Variants in GRIK4 observed in about 807,000 individuals in gnomAD.
GRIK4 encodes the protein glutamate ionotropic receptor kainate type subunit 4, also known as glutamate receptor ionotropic, kainate 4.
Under a neutral mutation model 104.9 loss-of-function variants are expected in GRIK4, and 40 were observed. That is an observed-to-expected ratio of 0.38 (90% CI 0.30 to 0.50). The LOEUF is 0.50. Among genes scored for constraint, GRIK4 ranks in the 20% least tolerant of loss-of-function variants. The pLI is 0.93. For missense variants in GRIK4, 1,047 were observed against 1,308.1 expected (o/e 0.80, Z 3.08); for synonymous variants, 485 against 524.9 (o/e 0.92, Z 1.04).
At chr11:120,668,090 G>T (rs1236170130) in intron 3 of GRIK4, among the ~76,000 whole-genome samples, 1 of 144,350 alleles carries the variant, frequency 6.9e-6, no homozygotes, top group Non-Finnish European at 1.5e-5. Context: ...CTCATAGATG[G>T]ATAGATAGAT....
chr11:120,873,895 A>G (rs1954685541), intron 9 of GRIK4, 171 bp from the exon 10 acceptor site: 1 of 587,406 alleles, frequency 1.7e-6, no homozygotes, highest in Admixed American at 3.0e-5. Flanking sequence ...TAGATGAAGT[A>G]GAGCTGGCCC....
intron 11 of GRIK4, among the ~76,000 whole-genome samples, chr11:120,894,976 T>A (rs1942536446): frequency 1.3e-4 from 1 of 7,410 alleles, no homozygotes; most frequent in South Asian, 2.5e-3. Context: ...ATTAATTTCT[T>A]GGGGGCTAAT....
chr11:120,867,242 T>C (rs902055997), intron 9 of GRIK4, among the ~76,000 whole-genome samples: 1 of 152,124 alleles, frequency 6.6e-6, no homozygotes, highest in African/African-American at 2.4e-5. Context: ...AGCAACCAGC[T>C]TTTGAAAAGT....
intron 3 of GRIK4, among the ~76,000 whole-genome samples, chr11:120,709,916 A>G (rs1472217590): frequency 1.3e-5 from 2 of 152,244 alleles, no homozygotes; most frequent in Non-Finnish European, 2.9e-5. Flanking sequence ...CCCACCTGCC[A>G]CATTAATACA....
chr11:120,774,626 A>G (rs1952006487), intron 3 of GRIK4, among the ~76,000 whole-genome samples: 2 of 152,198 alleles, frequency 1.3e-5, no homozygotes, highest in Admixed American at 1.3e-4. Context: ...AATGTTAATC[A>G]TATAAAAAAT....
At chr11:120,629,967 G>A (rs1949314154) in intron 1 of GRIK4, among the ~76,000 whole-genome samples, 1 of 152,226 alleles carries the variant, frequency 6.6e-6, no homozygotes, top group Non-Finnish European at 1.5e-5. Flanking sequence ...AAGCTTTGGT[G>A]CAGGATACCC....
intron 13 of GRIK4, among the ~76,000 whole-genome samples, chr11:120,929,515 A>G (rs1280154632): frequency 6.6e-6 from 1 of 152,154 alleles, no homozygotes; most frequent in African/African-American, 2.4e-5. Context: ...TGAGCAGATA[A>G]TCTAATTTGA....
chr11:120,658,811 C>A (rs112234504), intron 2 of GRIK4, among the ~76,000 whole-genome samples: 1 of 131,376 alleles, frequency 7.6e-6, no homozygotes, highest in Non-Finnish European at 1.6e-5. Context: ...TGCAGTGGCA[C>A]GATCTCGGCT....
At chr11:120,907,142 C>T (rs1358712714) in intron 13 of GRIK4, among the ~76,000 whole-genome samples, 1 of 152,236 alleles carries the variant, frequency 6.6e-6, no homozygotes, top group Non-Finnish European at 1.5e-5. Flanking sequence ...AAACATTCTT[C>T]TTATTTGGTT....
chr11:120,614,576 G>A (rs575833795), intron 1 of GRIK4, among the ~76,000 whole-genome samples: 1 of 152,336 alleles, frequency 6.6e-6, no homozygotes, highest in South Asian at 2.1e-4. Flanking sequence ...CCCAGGCTTG[G>A]CCATTGCAGT....
intron 19 of GRIK4, among the ~76,000 whole-genome samples, chr11:120,974,053 G>T (rs1016287630): frequency 6.6e-6 from 1 of 151,988 alleles, no homozygotes; most frequent in African/African-American, 2.4e-5. Context: ...GATTACAGGC[G>T]CATGCCACCA....
intron 14 of GRIK4, among the ~76,000 whole-genome samples, chr11:120,951,158 C>T (rs911733311): frequency 3.9e-5 from 6 of 152,192 alleles, no homozygotes; most frequent in African/African-American, 1.4e-4. Context: ...TTTCCATCCT[C>T]TCCGTGTACC....
chr11:120,735,656 T>C (rs1951208605), intron 3 of GRIK4, among the ~76,000 whole-genome samples: 1 of 151,258 alleles, frequency 6.6e-6, no homozygotes, highest in African/African-American at 2.4e-5. Flanking sequence ...CCAAAGTGGG[T>C]CTATAGATAC....
chr11:120,817,007 G>A (rs1448732216), intron 5 of GRIK4, among the ~76,000 whole-genome samples: 1 of 152,144 alleles, frequency 6.6e-6, no homozygotes, highest in Non-Finnish European at 1.5e-5. Flanking sequence ...CATCTTTCTT[G>A]CGGCACTCTG....
At chr11:120,574,760 G>T (rs150936494) in intron 1 of GRIK4, among the ~76,000 whole-genome samples, 45 of 152,330 alleles carry the variant, frequency 3.0e-4, no homozygotes, top group African/African-American at 1.1e-3. Context: ...GTCTACAGAA[G>T]CATTCCATCA....
intron 1 of GRIK4, among the ~76,000 whole-genome samples, chr11:120,523,702 G>C (rs1049971049): frequency 6.6e-6 from 1 of 152,140 alleles, no homozygotes; most frequent in Non-Finnish European, 1.5e-5. Flanking sequence ...GTCTGCCTTC[G>C]TCTCTTTAGC....
intron 3 of GRIK4, among the ~76,000 whole-genome samples, chr11:120,662,737 C>T (rs933257179): frequency 6.6e-6 from 1 of 152,092 alleles, no homozygotes; most frequent in Admixed American, 6.5e-5. Flanking sequence ...TTGAGTTTTT[C>T]TGGGGTTTTC....
chr11:120,824,291 T>G (rs1444944892), intron 6 of GRIK4, among the ~76,000 whole-genome samples: 2 of 152,178 alleles, frequency 1.3e-5, no homozygotes, highest in African/African-American at 4.8e-5. Context: ...GGAGGAGATG[T>G]GATGAGCAGC....
chr11:120,799,307 G>A (rs1179424417), intron 3 of GRIK4, among the ~76,000 whole-genome samples: 3 of 152,216 alleles, frequency 2.0e-5, no homozygotes, highest in Non-Finnish European at 4.4e-5. Context: ...CAATGGGGTG[G>A]AGGGAGGACA....
Sources: allele counts gnomAD v4.1 joint callset (sites outside exome capture counted in the v4.1 genomes callset), GRCh38; gene constraint gnomAD v4.1.1; transcripts MANE v1.5; gene names NCBI Gene and HGNC (gene_info 2026-07-23, HGNC 2026-07-21).